RARB: variants seen among roughly 807,000 people sequenced by gnomAD.
RARB encodes the protein retinoic acid receptor beta.
Under a neutral mutation model 51.9 loss-of-function variants are expected in RARB, and 17 were observed. The ratio of observed to expected loss-of-function variants is 0.33; its 90% CI spans 0.22 to 0.49. The LOEUF is 0.49. Ranked by LOEUF, RARB falls within the 20% of genes least tolerant of loss-of-function variation. The probability of loss-of-function intolerance (pLI) is 0.99; values close to 1 mark genes in which losing one functional copy is unlikely to be tolerated. For synonymous variants in RARB, 215 were observed against 195.4 expected, an observed-to-expected ratio of 1.10 and a Z score of -0.84; for missense variants, 369 against 550.8, an observed-to-expected ratio of 0.67 and a Z score of 3.30.
intron 5 of RARB, among the ~76,000 whole-genome samples, chr3:25,414,422 C>G (rs1408719063): frequency 6.6e-6 from 1 of 152,166 alleles, no homozygotes; most frequent in African/African-American, 2.4e-5. Flanking sequence ...TTAATGTCTC[C>G]TGAGTAAACA....
intron 1 of RARB, among the ~76,000 whole-genome samples, chr3:25,451,889 T>A (rs1212973214): frequency 2.0e-5 from 3 of 152,228 alleles, no homozygotes; most frequent in African/African-American, 7.2e-5. Flanking sequence ...GATAAAATAA[T>A]GTCATTTATT....
chr3:25,377,678 C>T (rs778173787), intron 5 of RARB, among the ~76,000 whole-genome samples: 7 of 152,100 alleles, frequency 4.6e-5, no homozygotes, highest in Non-Finnish European at 5.9e-5. Context: ...TGGGGAGACA[C>T]AATTTCCAAA....
chr3:25,503,905 A>G (rs924155726), intron 3 of RARB, among the ~76,000 whole-genome samples: 7 of 152,214 alleles, frequency 4.6e-5, no homozygotes, highest in African/African-American at 1.7e-4. Context: ...CAAGTACACT[A>G]GGACTCAGAA....
At chr3:25,313,041 G>A (rs1256683926) in intron 5 of RARB, among the ~76,000 whole-genome samples, 1 of 152,172 alleles carries the variant, frequency 6.6e-6, no homozygotes, top group Admixed American at 6.5e-5. Context: ...ATTTGAATGT[G>A]GGCAGATTAC....
chr3:25,230,998 A>G (rs959410683), intron 5 of RARB, among the ~76,000 whole-genome samples: 71 of 152,300 alleles, frequency 4.7e-4, no homozygotes, highest in African/African-American at 1.6e-3. Context: ...AACAAAAACT[A>G]TGATATCTCT....
chr3:24,924,740 T>G (rs1450010326), intron 2 of RARB, among the ~76,000 whole-genome samples: 1 of 152,112 alleles, frequency 6.6e-6, no homozygotes, highest in Admixed American at 6.6e-5. Flanking sequence ...TATATAGCAT[T>G]GTACTTTCCA....
chr3:25,162,257 C>T (rs75980108), intron 4 of RARB, among the ~76,000 whole-genome samples: 1 of 152,108 alleles, frequency 6.6e-6, no homozygotes, highest in African/African-American at 2.4e-5. Context: ...GCAAGCACCA[C>T]CATGCCTGGC....
intron 3 of RARB, among the ~76,000 whole-genome samples, chr3:25,104,169 A>G (rs979959432): frequency 3.3e-5 from 5 of 152,206 alleles, no homozygotes; most frequent in African/African-American, 7.2e-5. Flanking sequence ...TAAAACCACA[A>G]TGTGATTATA....
intron 2 of RARB, among the ~76,000 whole-genome samples, chr3:25,500,451 C>CTTTTTTTTT (rs1553624117): frequency 1.2e-4 from 6 of 49,868 alleles, no homozygotes; most frequent in Admixed American, 6.6e-4. Context: ...TCTTTCTTTT[C>CTTTTTTTTT]TTGTTTTTTT....
intron 3 of RARB, among the ~76,000 whole-genome samples, chr3:25,540,011 T>A (rs1699311232): frequency 6.6e-6 from 1 of 152,220 alleles, no homozygotes; most frequent in African/African-American, 2.4e-5. Flanking sequence ...CAGGGCCGAC[T>A]GCTGGACTTT....
At chr3:25,377,035 TTG>T (rs769982430) in intron 5 of RARB, among the ~76,000 whole-genome samples, 5 of 152,210 alleles carry the variant, frequency 3.3e-5, no homozygotes, top group Non-Finnish European at 5.9e-5. Context: ...GTTTGTTTGT[TTG>T]TTTTTAGTGT....
intron 3 of RARB, among the ~76,000 whole-genome samples, chr3:25,120,432 T>C (rs1016422078): frequency 3.3e-5 from 5 of 151,992 alleles, no homozygotes; most frequent in African/African-American, 7.3e-5. Flanking sequence ...AAAAAATGTT[T>C]AATATCTCTA....
intron 5 of RARB, among the ~76,000 whole-genome samples, chr3:25,279,617 TGGGAGAAAGATTGGGACCAAAA>T (rs370339642): frequency 0.019 from 2,797 of 151,114 alleles, 66 homozygotes; most frequent in African/African-American, 0.058. Context: ...TCTGACAGCT[TGGGAGAAAGATTGGGACCAAAA>T]GGGAGAAAAT....
chr3:24,995,885 G>A (rs1288091380), intron 2 of RARB, among the ~76,000 whole-genome samples: 1 of 151,954 alleles, frequency 6.6e-6, no homozygotes, highest in Non-Finnish European at 1.5e-5. Context: ...AAGGATTTTT[G>A]CATGTATGTT....
chr3:25,397,613 T>C (rs185025502), intron 5 of RARB, among the ~76,000 whole-genome samples: 524 of 152,346 alleles, frequency 3.4e-3, no homozygotes, highest in Non-Finnish European at 5.3e-3. Context: ...CTCTGTACTT[T>C]GCTTTTTAAA....
chr3:25,045,781 A>G (rs1319683477), intron 2 of RARB, among the ~76,000 whole-genome samples: 1 of 152,262 alleles, frequency 6.6e-6, no homozygotes, highest in African/African-American at 2.4e-5. Context: ...AAAGCTTCAG[A>G]ACTTCTTAAG....
intron 4 of RARB, among the ~76,000 whole-genome samples, chr3:25,145,054 AGAT>A (rs1203376380): frequency 2.0e-5 from 3 of 152,212 alleles, no homozygotes; most frequent in Admixed American, 6.5e-5. Flanking sequence ...CGTCAGTGGC[AGAT>A]GATCCAGAAG....
chr3:25,266,232 T>G (rs1298457820), intron 5 of RARB, among the ~76,000 whole-genome samples: 1 of 152,194 alleles, frequency 6.6e-6, no homozygotes, highest in African/African-American at 2.4e-5. Context: ...TATTAGGCTT[T>G]TAGGGGCTAA....
At chr3:25,195,494 A>G (rs984865652) in intron 5 of RARB, among the ~76,000 whole-genome samples, 2 of 152,046 alleles carry the variant, frequency 1.3e-5, no homozygotes, top group Non-Finnish European at 2.9e-5. Flanking sequence ...TCCCTAATAT[A>G]TTCAACTTCT....
Sources: allele counts gnomAD v4.1 joint callset (sites outside exome capture counted in the v4.1 genomes callset), GRCh38; gene constraint gnomAD v4.1.1; transcripts MANE v1.5; gene names NCBI Gene and HGNC (gene_info 2026-07-23, HGNC 2026-07-21).